The following TGFBR2 variants were observed in gnomAD, a reference collection of about 807,000 sequenced individuals.
TGFBR2 encodes transforming growth factor beta receptor 2.
TGFBR2 carries 18 observed loss-of-function variants against 49.0 expected under a neutral mutation model. The observed-to-expected ratio is 0.37, with a 90% CI of 0.25 to 0.54. The LOEUF (loss-of-function observed/expected upper bound fraction) is 0.54. TGFBR2 is among the 20% of genes least tolerant of loss of function. TGFBR2 has a pLI of 0.85. For missense variants in TGFBR2, 525 were observed against 722.6 expected (o/e 0.73, Z 3.13); for synonymous variants, 282 against 275.9 (o/e 1.02, Z -0.22).
chr3:30,677,626 C>T (rs1368307596), intron 5 of TGFBR2, among the ~76,000 whole-genome samples: 1 of 152,202 alleles, frequency 6.6e-6, no homozygotes, highest in African/African-American at 2.4e-5. Context: ...ACCTTAAAGA[C>T]AGATTTTCAG....
chr3:30,650,487 G>A (rs960399652), intron 3 of TGFBR2, 27 bp downstream of exon 3: 1 of 1,612,996 alleles, frequency 6.2e-7, no homozygotes, highest in Non-Finnish European at 8.5e-7. Flanking sequence ...TAAGGGTGTG[G>A]GACCTGAGAT....
chr3:30,676,636 C>A lies in TGFBR2; in HGVS notation c.1396+2390C>A, dbSNP rs538061878. The stretch of plus-strand genomic sequence containing the variant: ...CTGGTCCAAACTACCCAACATTTTG[C>A]CCAAGGCAGATTCAGTTGGCACCAC... On this transcript the variant is annotated intron_variant, in intron 5 of 6. Coordinates refer to ENST00000295754, the MANE Select transcript of TGFBR2 (RefSeq NM_003242.6). This position sits in a 1 kb window ranked among gnomAD's most constrained non-coding sequence, Gnocchi z 4.3. Among the ~76,000 whole-genome samples, 2 of 152,286 alleles carry A rather than the reference C, an allele frequency of 1.3e-5. No individual in the cohort carries two copies. The highest frequency in any genetic ancestry group is 1.3e-4 in the Admixed American group (2 of 15,302).
chr3:30,686,834 C>T (rs1699631072), intron 5 of TGFBR2, among the ~76,000 whole-genome samples: 1 of 152,170 alleles, frequency 6.6e-6, no homozygotes, highest in Non-Finnish European at 1.5e-5. Flanking sequence ...TTAATCTGCT[C>T]ATTTAAATTG....
intron 1 of TGFBR2, among the ~76,000 whole-genome samples, chr3:30,635,082 T>C (rs1390071553): frequency 2.0e-5 from 3 of 152,208 alleles, no homozygotes; most frequent in African/African-American, 7.2e-5. Flanking sequence ...GATGACAGTA[T>C]TTACTATAAA....
chr3:30,688,793 G>A (rs374071921), intron 6 of TGFBR2, among the ~76,000 whole-genome samples: 1 of 152,150 alleles, frequency 6.6e-6, no homozygotes, highest in Non-Finnish European at 1.5e-5. Context: ...CATTTTGTTT[G>A]CAGCCTCTGC....
intron 3 of TGFBR2, among the ~76,000 whole-genome samples, chr3:30,661,196 T>C (rs1415061573): frequency 6.6e-6 from 1 of 152,102 alleles, no homozygotes; most frequent in Non-Finnish European, 1.5e-5. Context: ...GTGGGGATCC[T>C]AACAAAACCT....
intron 1 of TGFBR2, among the ~76,000 whole-genome samples, chr3:30,624,107 C>T (rs1484332104): frequency 6.6e-6 from 1 of 152,076 alleles, no homozygotes; most frequent in East Asian, 1.9e-4. Context: ...CATGCCATTG[C>T]ACTCCAGCCT....
chr3:30,631,818 C>T lies in TGFBR2; in HGVS notation c.95-12929C>T, dbSNP rs1012158677. On this transcript the variant is annotated intron_variant, in intron 1 of 6. Transcript: ENST00000295754. Reference sequence around the variant, plus strand: ...TTTGTTTGACTGGTTGGAGAACAGGCACAGAGAGTGGTTGGGTAATTGCCC... The same window carrying T: ...TTTGTTTGACTGGTTGGAGAACAGGTACAGAGAGTGGTTGGGTAATTGCCC... Among the ~76,000 whole-genome samples, 18 of 152,106 alleles carry T rather than the reference C, an allele frequency of 1.2e-4. No homozygotes were observed. In the East Asian group the frequency reaches 3.5e-3, roughly 30 times the overall value.
chr3:30,684,825 A>G (rs1194751001), intron 5 of TGFBR2, among the ~76,000 whole-genome samples: 3 of 152,220 alleles, frequency 2.0e-5, no homozygotes, highest in African/African-American at 7.2e-5. Flanking sequence ...CCTTTCTAAA[A>G]TAGCATTCAT....
At chr3:30,665,716 A>G (rs1389395611) in intron 3 of TGFBR2, among the ~76,000 whole-genome samples, 1 of 152,206 alleles carries the variant, frequency 6.6e-6, no homozygotes, top group African/African-American at 2.4e-5. Flanking sequence ...AGTCCTGGAA[A>G]AGAGACTAGA....
chr3:30,630,692 G>T (rs571209502), intron 1 of TGFBR2, among the ~76,000 whole-genome samples: 1 of 152,276 alleles, frequency 6.6e-6, no homozygotes, highest in South Asian at 2.1e-4. Context: ...ATCAAGAGAC[G>T]GAGATTTGGG....
chr3:30,672,698 T>C lies in TGFBR2; in HGVS notation c.1254+261T>C, dbSNP rs1319135346. Reference sequence around the variant, plus strand: ...TTTTTCCTCCTGGATCAATCCTCATTTCTCTTCCAGCAAATGTTTTTTCTT... The same window carrying C: ...TTTTTCCTCCTGGATCAATCCTCATCTCTCTTCCAGCAAATGTTTTTTCTT... On this transcript the variant is annotated intron_variant, in intron 4 of 6. Transcript: ENST00000295754. The surrounding 1 kb of genome is among the most constrained non-coding windows in gnomAD (Gnocchi z 4.5). Among the ~76,000 whole-genome samples the C allele has an allele frequency of 1.3e-5, 2 of 152,230 alleles. No individual in the cohort carries two copies. Among genetic ancestry groups the C allele is most frequent in the Non-Finnish European group, 2.9e-5 (2 of 68,048 alleles).
chr3:30,691,381 C>G (rs1233474478), intron 6 of TGFBR2, 39 bp from the exon 7 acceptor site: 2 of 1,612,232 alleles, frequency 1.2e-6, no homozygotes, highest in Non-Finnish European at 1.7e-6. Context: ...GCGGAGCCCA[C>G]CAACTCATGG....
At chr3:30,655,839 G>T (rs564698613) in intron 3 of TGFBR2, among the ~76,000 whole-genome samples, 2 of 152,162 alleles carry the variant, frequency 1.3e-5, no homozygotes, top group African/African-American at 4.8e-5. Context: ...CCTGATTAAC[G>T]AGAACACTCT....
chr3:30,628,445 T>C (rs1698374515), intron 1 of TGFBR2, among the ~76,000 whole-genome samples: 2 of 149,422 alleles, frequency 1.3e-5, no homozygotes, highest in South Asian at 2.1e-4. Context: ...CTGTGCTGTA[T>C]TCTCCTAGAA....
intron 2 of TGFBR2, among the ~76,000 whole-genome samples, chr3:30,648,448 AC>A (rs1698814529): frequency 2.7e-5 from 4 of 150,176 alleles, no homozygotes; most frequent in African/African-American, 9.9e-5. Context: ...ACACACACAC[AC>A]ACACACACAC....
chr3:30,671,978 G>C lies in TGFBR2; in HGVS notation c.795G>C (p.Gln265His), dbSNP rs1412125264. ...FAEVYKAKLK[Q>H]NTSEQFETVA... is the part of the protein sequence containing the mutation. ...AGGTCTATAAGGCCAAGCTGAAGCA[G>C]AACACTTCAGAGCAGTTTGAGACAG... is the stretch of plus-strand genomic sequence containing the variant. The change falls in exon 4 of 7, where the codon CAG becomes CAC. Residue 265 changes from glutamine to histidine, a missense_variant. Physicochemically the swap from Gln to His is conservative, Grantham distance 24 (BLOSUM62 0). This residue lies in a region of TGFBR2 where 376 missense variants were observed against 478.2 expected (regional missense o/e 0.79). Transcript: ENST00000295754. The C allele has an allele frequency of 1.2e-6, 2 of 1,614,184 alleles. No individual in the cohort carries two copies. Among genetic ancestry groups the C allele is most frequent in the Non-Finnish European group, 1.7e-6 (2 of 1,180,032 alleles).
intron 1 of TGFBR2, among the ~76,000 whole-genome samples, chr3:30,611,610 CGGAAAGAGAATTTTATTA>C (rs1698030351): frequency 1.2e-5 from 1 of 83,868 alleles, no homozygotes; most frequent in Non-Finnish European, 3.1e-5. Flanking sequence ...AGAAGGGTGT[CGGAAAGAGAATTTTATTA>C]CGAATGAAGT....
intron 1 of TGFBR2, among the ~76,000 whole-genome samples, chr3:30,631,036 C>CTTTT (rs34649868): frequency 1.7e-5 from 2 of 120,908 alleles, no homozygotes; most frequent in Admixed American, 8.6e-5. Context: ...AAGGAGTAGC[C>CTTTT]TTTTTTTTTT....
Sources: allele counts gnomAD v4.1 joint callset (sites outside exome capture counted in the v4.1 genomes callset), GRCh38; gene constraint gnomAD v4.1.1; regional missense constraint gnomAD v4.1.1; non-coding constraint Gnocchi (gnomAD v3.1); transcripts MANE v1.5; gene names NCBI Gene and HGNC (gene_info 2026-07-23, HGNC 2026-07-21).